The following VWA3B variants were observed in gnomAD, a reference collection of about 807,000 sequenced individuals.
VWA3B encodes the protein von Willebrand factor A domain containing 3B, also known as von Willebrand factor A domain-containing protein 3B.
VWA3B carries 138 observed loss-of-function variants against 158.3 expected under a neutral mutation model. That is an observed-to-expected ratio of 0.87 (90% CI 0.76 to 1.00). The LOEUF is 1.00. Ranked by LOEUF, VWA3B falls within the 50% of genes least tolerant of loss-of-function variation. VWA3B has a pLI of 0.00. For missense variants in VWA3B, 1,555 were observed against 1,565.1 expected, an observed-to-expected ratio of 0.99 and a Z score of 0.11; for synonymous variants, 596 against 587.3, an observed-to-expected ratio of 1.01 and a Z score of -0.21.
chr2:98,120,628 C>T (rs1674883511), intron 4 of VWA3B, among the ~76,000 whole-genome samples: 1 of 152,204 alleles, frequency 6.6e-6, no homozygotes, highest in South Asian at 2.1e-4. Flanking sequence ...GGTGGCAGGC[C>T]ATGGGGGCAA....
At chr2:98,123,578 G>C (rs368961099) in intron 5 of VWA3B, among the ~76,000 whole-genome samples, 1 of 152,202 alleles carries the variant, frequency 6.6e-6, no homozygotes, top group African/African-American at 2.4e-5. Flanking sequence ...ATGCTGGCTC[G>C]ACACATAGCA....
At chr2:98,172,381 C>T (rs955029261) in intron 8 of VWA3B, among the ~76,000 whole-genome samples, 10 of 151,396 alleles carry the variant, frequency 6.6e-5, no homozygotes, top group Non-Finnish European at 1.0e-4. Flanking sequence ...GCTGGCATGC[C>T]GGTGCGTTCC....
intron 14 of VWA3B, among the ~76,000 whole-genome samples, chr2:98,223,927 T>G (rs1558694816): frequency 6.6e-6 from 1 of 152,130 alleles, no homozygotes; most frequent in East Asian, 1.9e-4. Context: ...AGGGTCACAC[T>G]ATGTCGCCCA....
At chr2:98,180,533 A>C (rs931353007) in intron 8 of VWA3B, among the ~76,000 whole-genome samples, 2 of 152,224 alleles carry the variant, frequency 1.3e-5, no homozygotes, top group Non-Finnish European at 2.9e-5. Context: ...TTTACCTAGG[A>C]AGGCCAAGCA....
At chr2:98,127,570 C>CTGTGTGTG (rs150384187) in intron 5 of VWA3B, among the ~76,000 whole-genome samples, 1 of 91,616 alleles carries the variant, frequency 1.1e-5, no homozygotes, top group Non-Finnish European at 1.9e-5. Flanking sequence ...CTGGTTTAAG[C>CTGTGTGTG]TGTGTGTGTG....
At chr2:98,222,745 C>T (rs1048768768) in intron 14 of VWA3B, among the ~76,000 whole-genome samples, 2 of 152,202 alleles carry the variant, frequency 1.3e-5, no homozygotes, top group Admixed American at 6.5e-5. Context: ...GCACCAGATT[C>T]GCAAAGAAGA....
At chr2:98,112,699 G>A (rs1674236336) in intron 2 of VWA3B, among the ~76,000 whole-genome samples, 1 of 150,972 alleles carries the variant, frequency 6.6e-6, no homozygotes, top group African/African-American at 2.4e-5. Context: ...ATCAAATCTT[G>A]GAAATTTTCA....
At chr2:98,138,990 G>A (rs1676506254) in intron 7 of VWA3B, among the ~76,000 whole-genome samples, 1 of 152,240 alleles carries the variant, frequency 6.6e-6, no homozygotes, top group South Asian at 2.1e-4. Flanking sequence ...TCAGCTTGCA[G>A]GGAGGTGTGG....
At chr2:98,273,915 C>T (rs1275601529) in intron 22 of VWA3B, among the ~76,000 whole-genome samples, 2 of 152,198 alleles carry the variant, frequency 1.3e-5, no homozygotes, top group African/African-American at 2.4e-5. Context: ...AATTGTGTTC[C>T]ACTGAGTTCA....
intron 20 of VWA3B, among the ~76,000 whole-genome samples, chr2:98,251,578 C>T (rs1303383222): frequency 6.6e-6 from 1 of 152,120 alleles, no homozygotes; most frequent in East Asian, 1.9e-4. Context: ...CCAGCCTGTC[C>T]TCGGTTCTGG....
intron 14 of VWA3B, among the ~76,000 whole-genome samples, chr2:98,221,074 A>G (rs1684460044): frequency 6.6e-6 from 1 of 152,016 alleles, no homozygotes; most frequent in Admixed American, 6.6e-5. Context: ...ACTGTGGCAT[A>G]TGTTTACCTA....
chr2:98,123,894 G>T (rs1675162069), intron 5 of VWA3B, among the ~76,000 whole-genome samples: 1 of 152,200 alleles, frequency 6.6e-6, no homozygotes, highest in Admixed American at 6.5e-5. Flanking sequence ...AAGGGGTTTT[G>T]CTTCTCTGCC....
chr2:98,153,926 A>T (rs998447092), intron 7 of VWA3B, among the ~76,000 whole-genome samples: 5 of 152,112 alleles, frequency 3.3e-5, no homozygotes, highest in African/African-American at 1.2e-4. Context: ...CAATGGCGCA[A>T]TCTCGGCTCA....
intron 8 of VWA3B, among the ~76,000 whole-genome samples, chr2:98,165,452 T>C (rs1678986555): frequency 6.6e-6 from 1 of 152,110 alleles, no homozygotes; most frequent in South Asian, 2.1e-4. Flanking sequence ...ATTGGGACTT[T>C]TGAAAGCTCC....
intron 2 of VWA3B, among the ~76,000 whole-genome samples, chr2:98,106,017 G>A (rs553124734): frequency 6.6e-6 from 1 of 152,060 alleles, no homozygotes; most frequent in African/African-American, 2.4e-5. Context: ...CCAGGTTCAC[G>A]CCATTCTCCT....
At chr2:98,324,930 A>G in the VWA3B span, among the ~76,000 whole-genome samples, 1 of 151,874 alleles carries the variant, frequency 6.6e-6, no homozygotes, top group Admixed American at 6.6e-5. Flanking sequence ...AATCCACTGG[A>G]TGGGCTTAAG....
chr2:98,139,240 C>G (rs867042195), intron 7 of VWA3B, among the ~76,000 whole-genome samples: 1 of 152,234 alleles, frequency 6.6e-6, no homozygotes, highest in Admixed American at 6.5e-5. Context: ...TGCCTTCCCG[C>G]GGGGCAGGCC....
At chr2:98,316,093 A>G (rs1213890010), downstream of VWA3B, among the ~76,000 whole-genome samples, 1 of 152,236 alleles carries the variant, frequency 6.6e-6, no homozygotes, top group Non-Finnish European at 1.5e-5. Context: ...ATTTTCATCA[A>G]CTAATCAATA....
chr2:98,216,989 C>CCCT (rs771827113), intron 13 of VWA3B: 2 of 1,272,726 alleles, frequency 1.6e-6, no homozygotes, highest in Admixed American at 2.3e-5. Flanking sequence ...AGCACCCGCC[C>CCCT]CGCACCCAGT....
Sources: gnomAD v4.1 joint callset for allele counts (sites outside exome capture counted in the v4.1 genomes callset) on GRCh38, gnomAD v4.1.1 for gene constraint, MANE v1.5 for transcripts, NCBI Gene and HGNC (gene_info 2026-07-23, HGNC 2026-07-21) for gene names.